Variants in GALNT7 observed in about 807,000 individuals in gnomAD.
GALNT7 encodes N-acetylgalactosaminyltransferase 7.
Under a neutral mutation model 82.1 loss-of-function variants are expected in GALNT7, and 60 were observed. The observed-to-expected ratio is 0.73, with a 90% CI of 0.59 to 0.91. GALNT7 has a LOEUF of 0.91. Among genes scored for constraint, GALNT7 ranks in the 40% least tolerant of loss-of-function variants. The pLI is 0.00. For synonymous variants in GALNT7, 243 were observed against 275.1 expected, an observed-to-expected ratio of 0.88 and a Z score of 1.15; for missense variants, 660 against 804.2, an observed-to-expected ratio of 0.82 and a Z score of 2.17.
Position 173,292,349 on chromosome 4 carries a change from A to G in GALNT7, c.754+75A>G. 1.1e-6 allele frequency: 1 copy of G among 908,652 alleles called. No homozygotes were observed. The allele number at this position is 908,652 out of a possible 1,614,324, so 56.3% of individuals were successfully genotyped here. A position where few individuals can be genotyped will look rare whatever the true frequency, so the allele number is the denominator to read the frequency against. On this transcript the variant is annotated intron_variant, in intron 3 of 11. Transcript: ENST00000265000. This position sits in a 1 kb window ranked among gnomAD's most constrained non-coding sequence, Gnocchi z 4.8. ...ATAATTGCAAAAAGGTGATTTCAAA[A>G]TAATTAGCTTTAAAAAATTAATAGC... is the stretch of plus-strand genomic sequence containing the variant.
chr4:173,223,986 A>G (rs149104347), intron 1 of GALNT7, among the ~76,000 whole-genome samples: 49 of 152,220 alleles, frequency 3.2e-4, no homozygotes, highest in African/African-American at 9.4e-4. Context: ...TCATTTGTTC[A>G]TGGTGGTAAG....
chr4:173,186,177 A>G (rs779887154), intron 1 of GALNT7, among the ~76,000 whole-genome samples: 1 of 152,262 alleles, frequency 6.6e-6, no homozygotes, highest in Non-Finnish European at 1.5e-5. Context: ...AACCATGAAC[A>G]TTAATCCTTA....
At chr4:173,305,146 G>A (rs1273830725) in intron 8 of GALNT7, among the ~76,000 whole-genome samples, 1 of 152,026 alleles carries the variant, frequency 6.6e-6, no homozygotes, top group Non-Finnish European at 1.5e-5. Flanking sequence ...CCAACAGGTG[G>A]GAAGGGTATC....
chr4:173,180,243 T>G (rs1732200589), intron 1 of GALNT7, among the ~76,000 whole-genome samples: 1 of 151,910 alleles, frequency 6.6e-6, no homozygotes. Flanking sequence ...TGTTTAATGC[T>G]CTTATGAAAA....
At chr4:173,186,602 A>G (rs1407797998) in intron 1 of GALNT7, among the ~76,000 whole-genome samples, 1 of 152,226 alleles carries the variant, frequency 6.6e-6, no homozygotes, top group Non-Finnish European at 1.5e-5. Flanking sequence ...GAGTGCTTTA[A>G]AAATGAAAAT....
chr4:173,188,591 T>C (rs990615194), intron 1 of GALNT7, among the ~76,000 whole-genome samples: 1 of 152,234 alleles, frequency 6.6e-6, no homozygotes, highest in African/African-American at 2.4e-5. Context: ...TAAAGAACTT[T>C]AGTGTCCTGA....
At chr4:173,218,415 A>G (rs1314609819) in intron 1 of GALNT7, among the ~76,000 whole-genome samples, 1 of 152,144 alleles carries the variant, frequency 6.6e-6, no homozygotes, top group East Asian at 1.9e-4. Flanking sequence ...GGATTTTTAA[A>G]TTATGGAGAA....
At chr4:173,318,696 TA>T in intron 11 of GALNT7, 137 bp downstream of exon 11, 1 of 587,402 alleles carries the variant, frequency 1.7e-6, no homozygotes, top group South Asian at 2.1e-5. Context: ...GTCCCTTGCA[TA>T]GGTTTTCCTG....
chr4:173,321,582 C>A lies in GALNT7; in HGVS notation c.1839C>A (p.Asn613Lys). 1.2e-6 allele frequency: 2 copies of A among 1,610,698 alleles called. No individual in the cohort carries two copies. Among genetic ancestry groups the A allele is most frequent in the Middle Eastern group, 1.7e-4 (1 of 6,048 alleles). ...NEFKEWQYFK[N>K]LHRFTHIPSG... ...TTTTTTCTTACTGTGTTTTCCAGAA[C>A]CTGCACAGATTTACTCATATTCCTT... The change falls in exon 12 of 12, where the codon AAC becomes AAA. Residue 613 changes from asparagine to lysine, a missense_variant and splice_region_variant. Asn to Lys is a moderately conservative substitution (Grantham distance 94, BLOSUM62 0). Coordinates refer to ENST00000265000, the MANE Select transcript of GALNT7 (RefSeq NM_017423.3).
chr4:173,315,540 G>A (rs1355570872), intron 9 of GALNT7, among the ~76,000 whole-genome samples: 1 of 152,140 alleles, frequency 6.6e-6, no homozygotes, highest in Non-Finnish European at 1.5e-5. Flanking sequence ...AGATAGAGAA[G>A]AGAAGACTAG....
chr4:173,264,360 A>G (rs1181470192), intron 2 of GALNT7, among the ~76,000 whole-genome samples: 3 of 152,188 alleles, frequency 2.0e-5, no homozygotes, highest in Non-Finnish European at 4.4e-5. Context: ...TATTTTTCCC[A>G]TCAGTGTCCA....
In GALNT7 at chr4:173,168,904, C is replaced by T; in HGVS notation, c.69C>T (p.Val23=). 2 of 1,613,642 alleles carry T rather than the reference C, an allele frequency of 1.2e-6. No individual in the cohort carries two copies. Among genetic ancestry groups the T allele is most frequent in the South Asian group, 1.1e-5 (1 of 91,068 alleles). ...TGGGAAGCTTCCTGGGGCTAGTGGT[C>T]CTCTGGTCTTCCCTGACCCCGCGGC... The part of the protein sequence containing the change: ...LVVGSFLGLV[V]LWSSLTPRPD... Residue 23 remains valine (V), a synonymous_variant, in exon 1 of 12, where the codon GTC becomes GTT. Transcript: ENST00000265000.
In GALNT7 at chr4:173,248,013, C is replaced by T. The variant is rs774753627; in HGVS notation, c.160C>T (p.Arg54Ter). Residue 54 changes from arginine to a stop codon, truncating the protein, a stop_gained, in exon 2 of 12, where the codon CGA becomes TGA. Coordinates refer to ENST00000265000, the MANE Select transcript of GALNT7 (RefSeq NM_017423.3). LOFTEE classifies it high-confidence loss of function. ...DRDVNDPMPN[R>*]GGNGLAPGED... ...AGATGTCAATGACCCCATGCCCAACCGAGGCGGCAATGGACTAGCTCCTGG... is the reference window on the plus strand; with the variant it reads ...AGATGTCAATGACCCCATGCCCAACTGAGGCGGCAATGGACTAGCTCCTGG... 3 of 1,613,104 alleles carry T rather than the reference C, an allele frequency of 1.9e-6. No individual in the cohort carries two copies. Among genetic ancestry groups the T allele is most frequent in the Admixed American group, 1.7e-5 (1 of 59,962 alleles).
intron 2 of GALNT7, among the ~76,000 whole-genome samples, chr4:173,266,272 GA>G (rs1471802846): frequency 6.6e-6 from 1 of 152,098 alleles, no homozygotes; most frequent in Non-Finnish European, 1.5e-5. Flanking sequence ...AAAGGAAAAA[GA>G]AAAAGAAAAG....
chr4:173,257,795 C>T (rs965732708), intron 2 of GALNT7, among the ~76,000 whole-genome samples: 1 of 152,282 alleles, frequency 6.6e-6, no homozygotes. Flanking sequence ...CGAACTAAAA[C>T]CATGATAAGG....
rs1737033463 is a variant in GALNT7, at chr4:173,303,469, G to A, written c.1267-527G>A. On this transcript the variant is annotated intron_variant, in intron 7 of 11. Coordinates refer to ENST00000265000, the MANE Select transcript of GALNT7 (RefSeq NM_017423.3). The stretch of plus-strand genomic sequence containing the variant: ...GGCCATATTGAAGAGAGCCTTTAAA[G>A]CTGAGTTAAGAGATTTTTATTTAAT... Among the ~76,000 whole-genome samples the A allele has an allele frequency of 2.0e-5, 3 of 152,228 alleles. No individual in the cohort carries two copies. In the South Asian group the frequency reaches 6.2e-4, roughly 31 times the overall value.
chr4:173,275,229 T>C (rs368489106), intron 2 of GALNT7, among the ~76,000 whole-genome samples: 80 of 152,304 alleles, frequency 5.3e-4, no homozygotes, highest in African/African-American at 1.9e-3. Flanking sequence ...ACACATTATT[T>C]AAGGTTATAG....
At chr4:173,191,826 T>C (rs1215738047) in intron 1 of GALNT7, among the ~76,000 whole-genome samples, 3 of 152,226 alleles carry the variant, frequency 2.0e-5, no homozygotes, top group Non-Finnish European at 4.4e-5. Flanking sequence ...TGTTTGTTTT[T>C]AGTTTCTGTG....
chr4:173,200,573 A>G (rs183408077), intron 1 of GALNT7, among the ~76,000 whole-genome samples: 1 of 152,314 alleles, frequency 6.6e-6, no homozygotes, highest in Non-Finnish European at 1.5e-5. Flanking sequence ...GTGCAAGACC[A>G]TATTATTCTA....
Sources: gnomAD v4.1 joint callset for allele counts (sites outside exome capture counted in the v4.1 genomes callset) on GRCh38, gnomAD v4.1.1 for gene constraint, Gnocchi (gnomAD v3.1) non-coding constraint, MANE v1.5 for transcripts, NCBI Gene and HGNC (gene_info 2026-07-23, HGNC 2026-07-21) for gene names.